PHYHIPL: variants seen among roughly 807,000 people sequenced by gnomAD.
PHYHIPL encodes the protein phytanoyl-CoA 2-hydroxylase interacting protein like.
A neutral mutation model predicts 33.4 loss-of-function variants in PHYHIPL; 9 were observed. The ratio of observed to expected loss-of-function variants is 0.27; its 90% CI spans 0.16 to 0.47. The LOEUF (loss-of-function observed/expected upper bound fraction) is 0.47. Ranked by LOEUF, PHYHIPL falls within the 20% of genes least tolerant of loss-of-function variation. The pLI is 0.99. For synonymous variants in PHYHIPL, 153 were observed against 154.1 expected, an observed-to-expected ratio of 0.99 and a Z score of 0.05; for missense variants, 365 against 460.7, an observed-to-expected ratio of 0.79 and a Z score of 1.90.
At chr10:59,200,626 G>A (rs2436575) in intron 1 of PHYHIPL, among the ~76,000 whole-genome samples, 7,022 of 152,212 alleles carry the variant, frequency 0.046, 453 homozygotes, top group African/African-American at 0.14. Context: ...AGTTTCAGAA[G>A]GAATGGTACC....
chr10:59,174,494 A>T (rs1444178505), upstream of PHYHIPL, among the ~76,000 whole-genome samples: 2 of 152,170 alleles, frequency 1.3e-5, no homozygotes, highest in Non-Finnish European at 2.9e-5. Context: ...AACTCGATTT[A>T]AAAAATCCTA....
chr10:59,233,904 AT>A (rs1341472047), intron 1 of PHYHIPL, among the ~76,000 whole-genome samples: 1 of 151,756 alleles, frequency 6.6e-6, no homozygotes, highest in Non-Finnish European at 1.5e-5. Context: ...AGGAGGGGGA[AT>A]TTTTATAGAC....
chr10:59,183,717 T>G lies in PHYHIPL; in HGVS notation c.106+6758T>G, dbSNP rs1176195455. 9 of 979,014 alleles carry G rather than the reference T, an allele frequency of 9.2e-6. No homozygotes were observed. The East Asian group carries it at 1.0e-3, about 112-fold the overall frequency. 60.6% of individuals were successfully genotyped at this position (979,014 alleles called of 1,614,324 possible). A position where few individuals can be genotyped will look rare whatever the true frequency, so the allele number is the denominator to read the frequency against. The stretch of plus-strand genomic sequence containing the variant: ...CGTCATACTTGGAATTGTCGTTAGT[T>G]TTGTTTGTTATGTTATGACTATTTG... On this transcript the variant is annotated intron_variant, in intron 1 of 4. Transcript: ENST00000373880.
At chr10:59,231,291 A>G (rs1253814860) in intron 1 of PHYHIPL, among the ~76,000 whole-genome samples, 1 of 152,096 alleles carries the variant, frequency 6.6e-6, no homozygotes, top group Non-Finnish European at 1.5e-5. Context: ...TATAAGTAGA[A>G]AAATCATTTT....
chr10:59,205,793 G>A (rs1239959093), intron 1 of PHYHIPL, among the ~76,000 whole-genome samples: 1 of 152,172 alleles, frequency 6.6e-6, no homozygotes, highest in African/African-American at 2.4e-5. Flanking sequence ...GACTTCTGGG[G>A]TGGCAGCAAC....
rs558902997 is a variant in PHYHIPL, at chr10:59,242,336, C to T, written c.597-2721C>T. Among the ~76,000 whole-genome samples, 22 of 152,186 alleles carry T rather than the reference C, an allele frequency of 1.4e-4. No individual in the cohort carries two copies. In the South Asian group the frequency reaches 3.1e-3, roughly 22 times the overall value. On this transcript the variant is annotated intron_variant, in intron 4 of 4. Coordinates refer to ENST00000373880, the MANE Select transcript of PHYHIPL (RefSeq NM_032439.4). Reference sequence around the variant, plus strand: ...AACTGACCCTCCTACCCTGTGTCACCGGAGACTGAGTAGGAAACCTGGACT... The same window carrying T: ...AACTGACCCTCCTACCCTGTGTCACTGGAGACTGAGTAGGAAACCTGGACT...
chr10:59,185,598 A>ACTCC (rs1564700766), intron 1 of PHYHIPL, among the ~76,000 whole-genome samples: 1 of 151,948 alleles, frequency 6.6e-6, no homozygotes, highest in Non-Finnish European at 1.5e-5. Flanking sequence ...AAAAGTGTTC[A>ACTCC]TATTTCTCCA....
chr10:59,189,132 G>T (rs1053608467), intron 1 of PHYHIPL, among the ~76,000 whole-genome samples: 1 of 151,812 alleles, frequency 6.6e-6, no homozygotes, highest in African/African-American at 2.4e-5. Flanking sequence ...CCTTAAAAAA[G>T]AGTCAAGATC....
chr10:59,236,429 G>A (rs888760753), intron 2 of PHYHIPL, 54 bp from the exon 3 acceptor site: 48 of 1,106,110 alleles, frequency 4.3e-5, no homozygotes, highest in Admixed American at 8.3e-5. Flanking sequence ...CACTTCCTTC[G>A]TCCCTCTCTG....
chr10:59,239,807 G>T (rs1464957822), intron 4 of PHYHIPL, among the ~76,000 whole-genome samples: 1 of 151,954 alleles, frequency 6.6e-6, no homozygotes, highest in Non-Finnish European at 1.5e-5. Context: ...TATATAGGTT[G>T]TAAAACTTCT....
At chr10:59,212,054 AT>A (rs1410568779) in intron 1 of PHYHIPL, among the ~76,000 whole-genome samples, 1 of 152,062 alleles carries the variant, frequency 6.6e-6, no homozygotes, top group Non-Finnish European at 1.5e-5. Flanking sequence ...TTAATGGGTT[AT>A]TTTGGGAGTG....
chr10:59,236,333 C>G, intron 2 of PHYHIPL, 150 bp from the exon 3 acceptor site: 2 of 451,240 alleles, frequency 4.4e-6, no homozygotes, highest in African/African-American at 2.0e-5. Flanking sequence ...TCCTCCTTTT[C>G]CCTCCTTCCT....
chr10:59,203,372 A>T (rs1240188177), intron 1 of PHYHIPL, among the ~76,000 whole-genome samples: 2 of 152,162 alleles, frequency 1.3e-5, no homozygotes, highest in East Asian at 3.9e-4. Context: ...TTCCTCAAGG[A>T]TCTAGAACTA....
chr10:59,180,519 A>G (rs1451318736), intron 1 of PHYHIPL, among the ~76,000 whole-genome samples: 1 of 151,626 alleles, frequency 6.6e-6, no homozygotes, highest in African/African-American at 2.4e-5. Flanking sequence ...TTTAACAAAT[A>G]TTATTTTCAT....
At chr10:59,192,993 A>G (rs1283922767) in intron 1 of PHYHIPL, among the ~76,000 whole-genome samples, 1 of 152,142 alleles carries the variant, frequency 6.6e-6, no homozygotes, top group Non-Finnish European at 1.5e-5. Flanking sequence ...GAGAATAAAG[A>G]TGAAAATTTG....
chr10:59,181,014 G>A (rs1315306140), intron 1 of PHYHIPL, among the ~76,000 whole-genome samples: 4 of 152,148 alleles, frequency 2.6e-5, no homozygotes. Context: ...TTTTAGATCA[G>A]ACCACCCCTG....
At position 59,211,026 on chromosome 10, in the gene PHYHIPL, A is replaced by G. The variant is rs149146581; in HGVS notation, c.107-23278A>G. Among the ~76,000 whole-genome samples the G allele has an allele frequency of 9.5e-3, 1,439 of 152,030 alleles. 5 individuals carry two copies. Among genetic ancestry groups the G allele is most frequent in the Admixed American group, 0.021 (317 of 15,274 alleles). ...GTATACCTATGTAACAAACCTGCAC[A>G]TTCTGCACATGTATCTCAGAACTTA... On this transcript the variant is annotated intron_variant, in intron 1 of 4. Coordinates refer to ENST00000373880, the MANE Select transcript of PHYHIPL (RefSeq NM_032439.4).
chr10:59,177,456 C>A, intron 1 of PHYHIPL: 1 of 1,518,122 alleles, frequency 6.6e-7, no homozygotes, highest in South Asian at 1.3e-5. Flanking sequence ...GTCTTTTTAG[C>A]CTCTTGGATT....
intron 1 of PHYHIPL, among the ~76,000 whole-genome samples, chr10:59,220,976 T>G (rs917822360): frequency 6.6e-6 from 1 of 152,068 alleles, no homozygotes; most frequent in Non-Finnish European, 1.5e-5. Flanking sequence ...TAAATGTTCC[T>G]ATTACTAAAC....
Sources: allele counts gnomAD v4.1 joint callset (sites outside exome capture counted in the v4.1 genomes callset), GRCh38; gene constraint gnomAD v4.1.1; transcripts MANE v1.5; gene names NCBI Gene and HGNC (gene_info 2026-07-23, HGNC 2026-07-21).